COL24A1: variants seen among roughly 807,000 people sequenced by gnomAD.
COL24A1 encodes collagen alpha-1(XXIV) chain.
Under a neutral mutation model 253.9 loss-of-function variants are expected in COL24A1, and 224 were observed. That is an observed-to-expected ratio of 0.88 (90% CI 0.79 to 0.99). The LOEUF (loss-of-function observed/expected upper bound fraction) is 0.99. COL24A1 is among the 50% of genes least tolerant of loss of function. The pLI is 0.00. For missense variants in COL24A1, 2,131 were observed against 2,068.5 expected, an observed-to-expected ratio of 1.03 and a Z score of -0.59; for synonymous variants, 685 against 673.7, an observed-to-expected ratio of 1.02 and a Z score of -0.26.
chr1:85,813,247 A>G (rs1672722580), intron 47 of COL24A1, among the ~76,000 whole-genome samples: 1 of 152,118 alleles, frequency 6.6e-6, no homozygotes. Context: ...ATTAAAACAT[A>G]TAAAATAGTG....
intron 2 of COL24A1, among the ~76,000 whole-genome samples, chr1:86,132,083 T>C (rs1417877968): frequency 6.6e-6 from 1 of 152,232 alleles, no homozygotes; most frequent in Non-Finnish European, 1.5e-5. Flanking sequence ...GGTGTTTCAC[T>C]GTGATTTTGA....
intron 7 of COL24A1, among the ~76,000 whole-genome samples, chr1:86,073,061 G>A (rs1571832066): frequency 6.6e-6 from 1 of 152,010 alleles, no homozygotes; most frequent in Non-Finnish European, 1.5e-5. Flanking sequence ...AAACCAGAAC[G>A]CCTCTTCTCC....
chr1:86,034,023 A>T, intron 12 of COL24A1, 100 bp from the exon 13 acceptor site: 1 of 815,650 alleles, frequency 1.2e-6, no homozygotes, highest in Non-Finnish European at 1.8e-6. Context: ...TTAATTTCCT[A>T]ACTCTTAAAC....
At chr1:85,981,031 C>T (rs1693205532) in intron 20 of COL24A1, among the ~76,000 whole-genome samples, 1 of 152,200 alleles carries the variant, frequency 6.6e-6, no homozygotes, top group Non-Finnish European at 1.5e-5. Context: ...ATATCCCATG[C>T]TCATGAATGG....
chr1:85,866,767 C>T (rs1473469057), intron 37 of COL24A1, among the ~76,000 whole-genome samples: 1 of 152,074 alleles, frequency 6.6e-6, no homozygotes, highest in African/African-American at 2.4e-5. Context: ...GAGTGAGACT[C>T]TATCTCATAA....
At chr1:86,038,636 T>C (rs1395189799) in intron 12 of COL24A1, among the ~76,000 whole-genome samples, 4 of 152,084 alleles carry the variant, frequency 2.6e-5, no homozygotes, top group Non-Finnish European at 4.4e-5. Context: ...AATATAGAAG[T>C]GACAATGTGT....
At chr1:85,779,371 T>C (rs1021806708) in intron 52 of COL24A1, among the ~76,000 whole-genome samples, 1 of 152,174 alleles carries the variant, frequency 6.6e-6, no homozygotes, top group Non-Finnish European at 1.5e-5. Context: ...TTTGCCACAA[T>C]AGTACTTTAT....
intron 2 of COL24A1, among the ~76,000 whole-genome samples, chr1:86,134,559 C>T (rs542137852): frequency 1.6e-3 from 244 of 149,692 alleles, no homozygotes; most frequent in Non-Finnish European, 2.2e-3. Context: ...TCTTGGTTCT[C>T]GTTGGTTTCA....
chr1:85,879,367 T>C (rs1243417257), intron 32 of COL24A1, among the ~76,000 whole-genome samples: 2 of 152,174 alleles, frequency 1.3e-5, no homozygotes, highest in Non-Finnish European at 2.9e-5. Flanking sequence ...ATCCATTGTA[T>C]TGCCTTTGCT....
intron 1 of COL24A1, chr1:86,155,210 C>T (rs1018953626): frequency 6.6e-6 from 1 of 152,050 alleles, no homozygotes; most frequent in Non-Finnish European, 1.5e-5. Context: ...AGCCCAGCAG[C>T]GAGGCTTCCA....
chr1:86,023,044 T>C (rs1697698944), intron 14 of COL24A1, 37 bp from the exon 15 acceptor site: 1 of 1,586,062 alleles, frequency 6.3e-7, no homozygotes, highest in Middle Eastern at 1.7e-4. Flanking sequence ...TCATTAAGCA[T>C]TCATTAGGAT....
chr1:86,089,231 T>C lies in COL24A1; in HGVS notation c.1654-4A>G. 1 of 1,580,482 alleles carries C rather than the reference T, an allele frequency of 6.3e-7. No individual in the cohort carries two copies. ...ATCCAGAAAGGCCTTGATCACCCTATAAACAAAATACAGACGTTTAATGTC... is the reference window on the plus strand; with the variant it reads ...ATCCAGAAAGGCCTTGATCACCCTACAAACAAAATACAGACGTTTAATGTC... On this transcript the variant is annotated splice_region_variant and splice_polypyrimidine_tract_variant and intron_variant, in intron 6 of 59. Transcript: ENST00000370571.
intron 24 of COL24A1, among the ~76,000 whole-genome samples, chr1:85,923,299 T>G (rs770779660): frequency 3.3e-5 from 5 of 152,190 alleles, no homozygotes; most frequent in Non-Finnish European, 7.3e-5. Flanking sequence ...GGACTTGAAC[T>G]CAGCTCTGCA....
At chr1:85,934,633 C>T (rs1288336545) in intron 24 of COL24A1, among the ~76,000 whole-genome samples, 2 of 152,092 alleles carry the variant, frequency 1.3e-5, no homozygotes, top group Non-Finnish European at 2.9e-5. Flanking sequence ...AGAAGATGAA[C>T]TACTATAGAA....
intron 19 of COL24A1, among the ~76,000 whole-genome samples, chr1:85,997,789 T>C (rs1187365372): frequency 6.6e-6 from 1 of 151,200 alleles, no homozygotes; most frequent in Non-Finnish European, 1.5e-5. Flanking sequence ...GATGATTATG[T>C]GGTCAAAGCC....
intron 20 of COL24A1, among the ~76,000 whole-genome samples, chr1:85,983,797 A>T (rs1346388585): frequency 6.6e-6 from 1 of 151,894 alleles, no homozygotes; most frequent in African/African-American, 2.4e-5. Flanking sequence ...CAAAAATGAG[A>T]AGGACCAAGA....
intron 19 of COL24A1, among the ~76,000 whole-genome samples, chr1:86,011,340 C>T (rs542325190): frequency 2.0e-5 from 3 of 152,094 alleles, no homozygotes; most frequent in South Asian, 2.1e-4. Context: ...CCTAATTACT[C>T]GGTGGAAATA....
At chr1:85,852,114 G>A (rs75276012) in intron 37 of COL24A1, among the ~76,000 whole-genome samples, 1,527 of 151,988 alleles carry the variant, frequency 0.01, 20 homozygotes, top group African/African-American at 0.034. Context: ...GTGTGTGTGC[G>A]CGCACGTGCG....
At chr1:86,032,706 A>T (rs979236541) in intron 13 of COL24A1, among the ~76,000 whole-genome samples, 3 of 152,186 alleles carry the variant, frequency 2.0e-5, no homozygotes, top group African/African-American at 7.2e-5. Context: ...ACTATAGAGA[A>T]TTATAAACCA....
Sources: allele counts gnomAD v4.1 joint callset (sites outside exome capture counted in the v4.1 genomes callset), GRCh38; gene constraint gnomAD v4.1.1; transcripts MANE v1.5; gene names NCBI Gene and HGNC (gene_info 2026-07-23, HGNC 2026-07-21).